Variants in PLCB1 observed in about 807,000 individuals in gnomAD.
PLCB1 encodes phospholipase C beta 1.
A neutral mutation model predicts 161.8 loss-of-function variants in PLCB1; 46 were observed. The ratio of observed to expected loss-of-function variants is 0.28; its 90% CI spans 0.22 to 0.36. The LOEUF (loss-of-function observed/expected upper bound fraction) is 0.36, where lower values mean the gene tolerates loss of function less well. Ranked by LOEUF, PLCB1 falls within the 10% of genes least tolerant of loss-of-function variation. PLCB1 has a pLI of 1.00. For synonymous variants in PLCB1, 517 were observed against 503.7 expected, an observed-to-expected ratio of 1.03 and a Z score of -0.35; for missense variants, 1,016 against 1,472.5, an observed-to-expected ratio of 0.69 and a Z score of 5.07.
At chr20:8,333,449 C>T (rs751450438) in intron 2 of PLCB1, among the ~76,000 whole-genome samples, 10 of 152,228 alleles carry the variant, frequency 6.6e-5, no homozygotes, top group South Asian at 2.1e-4. Flanking sequence ...GTTTTGATAA[C>T]GAAAATTTTT....
intron 3 of PLCB1, among the ~76,000 whole-genome samples, chr20:8,522,535 G>C (rs1169729497): frequency 6.6e-6 from 1 of 152,050 alleles, no homozygotes; most frequent in African/African-American, 2.4e-5. Flanking sequence ...ACGTGGTCAA[G>C]CAGAATGCAA....
At chr20:8,496,882 T>C (rs1202645823) in intron 3 of PLCB1, among the ~76,000 whole-genome samples, 5 of 152,132 alleles carry the variant, frequency 3.3e-5, no homozygotes, top group Non-Finnish European at 7.4e-5. Context: ...TTTATAATAA[T>C]GTTGAAGGTC....
At chr20:8,681,119 T>TATATATCTATATATATATATATATATAA (rs1485697576) in intron 9 of PLCB1, among the ~76,000 whole-genome samples, 1 of 82,094 alleles carries the variant, frequency 1.2e-5, no homozygotes. Flanking sequence ...TATATATATA[T>TATATATCTATATATATATATATATATAA]AATATATATA....
rs775655063 is a variant in PLCB1 at position 8,132,693 on chromosome 20, G to A, written c.42G>A (p.Lys14=). 19 of 1,612,914 alleles carry A rather than the reference G, an allele frequency of 1.2e-5. No individual in the cohort carries two copies. In the Admixed American group the frequency reaches 2.2e-4, roughly 18 times the overall value. Residue 14 remains lysine (K), a synonymous_variant, in exon 1 of 32, where the codon AAG becomes AAA. Transcript: ENST00000338037. The surrounding 1 kb of genome is among the most constrained non-coding windows in gnomAD (Gnocchi z 5.2). Reference sequence around the variant, plus strand: ...CCGGAGTGCACGCCTTGCAACTCAAGCCCGTGTGCGTGTCCGACAGCCTCA... The same window carrying A: ...CCGGAGTGCACGCCTTGCAACTCAAACCCGTGTGCGTGTCCGACAGCCTCA... ...AQPGVHALQL[K]PVCVSDSLKK...
At chr20:8,680,368 A>G (rs1303681666) in intron 9 of PLCB1, among the ~76,000 whole-genome samples, 1 of 152,204 alleles carries the variant, frequency 6.6e-6, no homozygotes, top group African/African-American at 2.4e-5. Context: ...ATGACAAAAC[A>G]TCTGTATTTT....
chr20:8,376,906 C>T (rs927245787), intron 3 of PLCB1, among the ~76,000 whole-genome samples: 12 of 150,442 alleles, frequency 8.0e-5, no homozygotes, highest in East Asian at 2.0e-4. Flanking sequence ...CCAGCCTGGG[C>T]GACAGAGCGA....
intron 3 of PLCB1, among the ~76,000 whole-genome samples, chr20:8,554,538 A>G (rs770703751): frequency 1.3e-5 from 2 of 152,162 alleles, no homozygotes; most frequent in Non-Finnish European, 2.9e-5. Flanking sequence ...TTCCATTTAT[A>G]TTAAGTTTAA....
chr20:8,644,717 C>CCA (rs1443075768), intron 4 of PLCB1, among the ~76,000 whole-genome samples: 1 of 151,164 alleles, frequency 6.6e-6, no homozygotes, highest in African/African-American at 2.4e-5. Flanking sequence ...GGGGTCAGCC[C>CCA]CCCGCCCTGC....
In PLCB1 at chr20:8,868,751, C is replaced by T. The variant is rs566077058; in HGVS notation, c.3424-12871C>T. Among the ~76,000 whole-genome samples, 8 of 152,310 alleles carry T rather than the reference C, an allele frequency of 5.3e-5. No homozygotes were observed. In the East Asian group the frequency reaches 1.5e-3, roughly 29 times the overall value. On this transcript the variant is annotated intron_variant, in intron 31 of 31. Coordinates refer to ENST00000338037, the MANE Select transcript of PLCB1 (RefSeq NM_015192.4). ...GGTTCAAGTGATTCTTGCGCCTCAG[C>T]CTCCCAGGCAGCTGGGGCTACAGGC... is the stretch of plus-strand genomic sequence containing the variant.
At chr20:8,684,238 T>TTA (rs1026967452) in intron 9 of PLCB1, among the ~76,000 whole-genome samples, 4 of 144,500 alleles carry the variant, frequency 2.8e-5, no homozygotes, top group Admixed American at 1.4e-4. Context: ...AATTATTTAT[T>TTA]TATTTATTTA....
chr20:8,831,912 CTCTTTCTTTCTTTCTTTCTTTCTTTCTT>C (rs1188505689), intron 31 of PLCB1, among the ~76,000 whole-genome samples: 1,938 of 58,628 alleles, frequency 0.033, 231 homozygotes, highest in South Asian at 0.082. Context: ...CTCTTTCTTT[CTCTTTCTTTCTTTCTTTCTTTCTTTCTT>C]TCTTTCTTTC....
At chr20:8,204,669 T>C (rs1248017727) in intron 2 of PLCB1, among the ~76,000 whole-genome samples, 1 of 152,078 alleles carries the variant, frequency 6.6e-6, no homozygotes, top group Non-Finnish European at 1.5e-5. Flanking sequence ...GCCAAGCAGA[T>C]GCTGGCACAT....
intron 2 of PLCB1, among the ~76,000 whole-genome samples, chr20:8,176,780 A>G (rs1170128053): frequency 2.0e-5 from 3 of 152,158 alleles, no homozygotes; most frequent in African/African-American, 7.2e-5. Flanking sequence ...GGCTCCCTCT[A>G]TATTATTACT....
intron 31 of PLCB1, among the ~76,000 whole-genome samples, chr20:8,835,084 C>A (rs116450992): frequency 0.025 from 3,756 of 152,258 alleles, 148 homozygotes; most frequent in African/African-American, 0.083. Context: ...TATCTGCGCA[C>A]TCTGTGTCCC....
In PLCB1 at chr20:8,202,808, G is replaced by A. The variant is rs113381561; in HGVS notation, c.177+52437G>A. Among the ~76,000 whole-genome samples the A allele has an allele frequency of 2.1e-3, 322 of 152,256 alleles. 3 individuals are homozygous for A. The highest frequency in any genetic ancestry group is 0.017 in the Middle Eastern group (5 of 294). ...AGTCCAGTGTCATCAACAATGTGTC[G>A]AGGGAGCACAGGGATGGAAATAATT... On this transcript the variant is annotated intron_variant, in intron 2 of 31. Transcript: ENST00000338037.
intron 31 of PLCB1, among the ~76,000 whole-genome samples, chr20:8,878,825 GGTTT>G (rs1568634432): frequency 6.6e-6 from 1 of 151,596 alleles, no homozygotes; most frequent in East Asian, 1.9e-4. Flanking sequence ...TACATGTACA[GGTTT>G]GTTACATGAG....
At chr20:8,859,753 C>T (rs1298805848) in intron 31 of PLCB1, among the ~76,000 whole-genome samples, 1 of 151,532 alleles carries the variant, frequency 6.6e-6, no homozygotes, top group Non-Finnish European at 1.5e-5. Context: ...TAAATGTCTT[C>T]AAAGGTGATG....
chr20:8,234,929 T>C (rs1009178877), intron 2 of PLCB1, among the ~76,000 whole-genome samples: 8 of 152,128 alleles, frequency 5.3e-5, no homozygotes, highest in Non-Finnish European at 1.2e-4. Flanking sequence ...AGAATGTGTA[T>C]GTCTCCTTGT....
chr20:8,269,951 G>A (rs1356838941), intron 2 of PLCB1, among the ~76,000 whole-genome samples: 1 of 151,882 alleles, frequency 6.6e-6, no homozygotes, highest in Non-Finnish European at 1.5e-5. Context: ...TACAATTTGG[G>A]GGTATTATAA....
Sources: gnomAD v4.1 joint callset for allele counts (sites outside exome capture counted in the v4.1 genomes callset) on GRCh38, gnomAD v4.1.1 for gene constraint, Gnocchi (gnomAD v3.1) non-coding constraint, MANE v1.5 for transcripts, NCBI Gene and HGNC (gene_info 2026-07-23, HGNC 2026-07-21) for gene names.